The following PALS1 variants were observed in gnomAD, a reference collection of about 807,000 sequenced individuals.
PALS1 encodes the protein protein associated with LIN7 1, MAGUK p55 family member.
A neutral mutation model predicts 78.9 loss-of-function variants in PALS1; 31 were observed. That is an observed-to-expected ratio of 0.39 (90% CI 0.30 to 0.53). The LOEUF (loss-of-function observed/expected upper bound fraction) is 0.53, where lower values mean the gene tolerates loss of function less well. Among genes scored for constraint, PALS1 ranks in the 20% least tolerant of loss-of-function variants. PALS1 has a pLI of 0.67. For synonymous variants in PALS1, 276 were observed against 270.9 expected (o/e 1.02, Z -0.18); for missense variants, 704 against 826.5 (o/e 0.85, Z 1.82).
chr14:67,294,252 C>A (rs2084812862), intron 4 of PALS1: 1 of 152,056 alleles, frequency 6.6e-6, no homozygotes, highest in South Asian at 2.1e-4. Context: ...TGAATGGTTT[C>A]CCCTGGAGTG....
intron 3 of PALS1, among the ~76,000 whole-genome samples, chr14:67,280,456 C>T (rs759073928): frequency 1.3e-5 from 2 of 152,118 alleles, no homozygotes; most frequent in Non-Finnish European, 2.9e-5. Context: ...TCTGTTTAGC[C>T]TGTACTAAGT....
intron 1 of PALS1, among the ~76,000 whole-genome samples, chr14:67,244,708 A>C (rs2083961042): frequency 6.6e-6 from 1 of 152,140 alleles, no homozygotes; most frequent in African/African-American, 2.4e-5. Context: ...TGTTTCTCTT[A>C]AGTAGATGGA....
intron 4 of PALS1, among the ~76,000 whole-genome samples, chr14:67,296,579 C>CT (rs1330940960): frequency 2.2e-5 from 2 of 89,768 alleles, no homozygotes; most frequent in East Asian, 6.1e-4. Flanking sequence ...GAGTGAAACT[C>CT]TGTCTCAAAA....
chr14:67,325,484 A>G (rs1304899545), intron 14 of PALS1, among the ~76,000 whole-genome samples: 4 of 152,142 alleles, frequency 2.6e-5, no homozygotes, highest in Admixed American at 2.6e-4. Flanking sequence ...TTTGTTGTCC[A>G]TAGCACTTGG....
chr14:67,323,706 TGAA>T lies in PALS1; in HGVS notation c.1748_1750del (p.Lys583del). ...AATCAAAATGTCTCTTTACAGTCAT[TGAA>T]GACTCTCCGGAATTCAGATTTGAAA... On this transcript the variant is annotated inframe_deletion, in exon 14 of 15. Coordinates refer to ENST00000261681, the MANE Select transcript of PALS1 (RefSeq NM_022474.4). 1 of 1,543,460 alleles carries T rather than the reference TGAA, an allele frequency of 6.5e-7. No homozygotes were observed. The highest frequency in any genetic ancestry group is 8.8e-7 in the Non-Finnish European group (1 of 1,133,688).
chr14:67,304,373 A>T (rs1370834563), intron 8 of PALS1, among the ~76,000 whole-genome samples: 1 of 152,246 alleles, frequency 6.6e-6, no homozygotes, highest in Admixed American at 6.5e-5. Flanking sequence ...CATTCACAGT[A>T]GCTAGAAAGT....
At chr14:67,278,341 C>CTT (rs551435645) in intron 2 of PALS1, among the ~76,000 whole-genome samples, 5 of 138,228 alleles carry the variant, frequency 3.6e-5, no homozygotes, top group East Asian at 4.2e-4. Context: ...CGGCCCAATT[C>CTT]TTTTTTTTTT....
rs571265915 is a variant in PALS1, at chr14:67,279,573, G to C, written c.367+36G>C. 12 of 1,497,080 alleles carry C rather than the reference G, an allele frequency of 8.0e-6. No individual in the cohort carries two copies. The South Asian group carries it at 1.1e-4, about 14-fold the overall frequency. The allele number at this position is 1,497,080 out of a possible 1,614,324, so 92.7% of individuals were successfully genotyped here. A position where few individuals can be genotyped will look rare whatever the true frequency, so the allele number is the denominator to read the frequency against. On this transcript the variant is annotated intron_variant, in intron 3 of 14. Coordinates refer to ENST00000261681, the MANE Select transcript of PALS1 (RefSeq NM_022474.4). ...ATAGAGGTATAACAGAAAACATTTT[G>C]CTTTAATTTATCTGTGCCTTATAAT... is the stretch of plus-strand genomic sequence containing the variant.
intron 1 of PALS1, among the ~76,000 whole-genome samples, chr14:67,263,844 TTAAA>T (rs35643507): frequency 0.15 from 23,485 of 152,072 alleles, 3,400 homozygotes; most frequent in East Asian, 0.42. Context: ...ACTCAACCAT[TTAAA>T]TAATTGTTCT....
chr14:67,296,340 C>T (rs1486024756), intron 4 of PALS1, among the ~76,000 whole-genome samples: 1 of 151,984 alleles, frequency 6.6e-6, no homozygotes, highest in Non-Finnish European at 1.5e-5. Flanking sequence ...GTGGCTCACG[C>T]CTGTAATCCC....
intron 3 of PALS1, among the ~76,000 whole-genome samples, chr14:67,281,314 T>C (rs1212011422): frequency 6.6e-6 from 1 of 152,210 alleles, no homozygotes; most frequent in Non-Finnish European, 1.5e-5. Flanking sequence ...ATCATAGATA[T>C]GTGTTCAGTC....
At chr14:67,325,427 A>T (rs1247475126) in intron 14 of PALS1, among the ~76,000 whole-genome samples, 1 of 151,886 alleles carries the variant, frequency 6.6e-6, no homozygotes, top group Non-Finnish European at 1.5e-5. Context: ...CCCCTTTTTC[A>T]TTTCCGCCAT....
chr14:67,264,512 G>GT (rs1595569091), intron 1 of PALS1, among the ~76,000 whole-genome samples: 1 of 152,068 alleles, frequency 6.6e-6, no homozygotes, highest in East Asian at 1.9e-4. Context: ...CTGATCTCAC[G>GT]TTTAAGTTTT....
At chr14:67,283,838 C>T (rs115222869) in intron 3 of PALS1, among the ~76,000 whole-genome samples, 10 of 152,308 alleles carry the variant, frequency 6.6e-5, no homozygotes, top group African/African-American at 2.2e-4. Flanking sequence ...TACGTTGAAA[C>T]TTCATTCCAC....
chr14:67,244,736 T>C (rs2083961809), intron 1 of PALS1, among the ~76,000 whole-genome samples: 1 of 152,222 alleles, frequency 6.6e-6, no homozygotes, highest in African/African-American at 2.4e-5. Flanking sequence ...AGGTATAGCC[T>C]AATTTTATCT....
chr14:67,321,109 T>C lies in PALS1; in HGVS notation c.1590T>C (p.Phe530=). 6.2e-7 allele frequency: 1 copy of C among 1,614,170 alleles called. No individual in the cohort carries two copies. The highest frequency in any genetic ancestry group is 1.7e-5 in the Admixed American group (1 of 60,002). The part of the protein sequence containing the change: ...DQEVAGRDYH[F]VSRQAFEADI... ...AAGTAGCCGGTAGAGATTACCACTT[T>C]GTTTCGCGGCAAGCATTCGAGGCAG... Residue 530 remains phenylalanine (F), a synonymous_variant, in exon 13 of 15, where the codon TTT becomes TTC. Transcript: ENST00000261681.
Position 67,316,076 on chromosome 14 carries a change from A to C in PALS1, c.1226-756A>C, listed in dbSNP as rs60541082. On this transcript the variant is annotated intron_variant, in intron 9 of 14. Transcript: ENST00000261681. ...TTGATTTTTAAGAATCTCTGGCTTT[A>C]CACTGAAAAAAAGTAGATTTAAAAA... 4.0e-3 allele frequency among the ~76,000 whole-genome samples: 609 copies of C among 152,346 alleles called. 19 individuals are homozygous for C. The East Asian group carries it at 0.059, about 15-fold the overall frequency.
chr14:67,247,023 T>G (rs1277162991), intron 1 of PALS1, among the ~76,000 whole-genome samples: 1 of 152,244 alleles, frequency 6.6e-6, no homozygotes, highest in Non-Finnish European at 1.5e-5. Flanking sequence ...AAAATTGTTA[T>G]GACTATTTTT....
intron 14 of PALS1, among the ~76,000 whole-genome samples, chr14:67,329,780 G>T (rs1386336582): frequency 1.3e-5 from 2 of 151,746 alleles, no homozygotes; most frequent in African/African-American, 4.8e-5. Context: ...TACTGAAGAG[G>T]CCGAGTTCGT....
Sources: allele counts gnomAD v4.1 joint callset (sites outside exome capture counted in the v4.1 genomes callset), GRCh38; gene constraint gnomAD v4.1.1; transcripts MANE v1.5; gene names NCBI Gene and HGNC (gene_info 2026-07-23, HGNC 2026-07-21).